The following SNX29 variants were observed in gnomAD, a reference collection of about 807,000 sequenced individuals.
SNX29 encodes the protein sorting nexin 29.
Under a neutral mutation model 102.1 loss-of-function variants are expected in SNX29, and 78 were observed. The ratio of observed to expected loss-of-function variants is 0.76; its 90% CI spans 0.64 to 0.92. The LOEUF (loss-of-function observed/expected upper bound fraction) is 0.92, where lower values mean the gene tolerates loss of function less well. Ranked by LOEUF, SNX29 falls within the 40% of genes least tolerant of loss-of-function variation. SNX29 has a pLI of 0.00. For missense variants in SNX29, 1,280 were observed against 1,061.7 expected, an observed-to-expected ratio of 1.21 and a Z score of -2.86; for synonymous variants, 580 against 414.5, an observed-to-expected ratio of 1.40 and a Z score of -4.85.
rs967927240 is a variant in SNX29, at chr16:12,572,104, G to T, written c.*3475G>T. The T allele has an allele frequency of 9.5e-7, 1 of 1,054,598 alleles. No homozygotes were observed. Among genetic ancestry groups the T allele is most frequent in the East Asian group, 5.0e-5 (1 of 19,904 alleles). The allele number at this position is 1,054,598 out of a possible 1,614,324, so 65.3% of individuals were successfully genotyped here. A position where few individuals can be genotyped will look rare whatever the true frequency, so the allele number is the denominator to read the frequency against. ...GAGGAAGGGGAGGGATGTGGACTGG[G>T]TCTGATCACAGCCCTTGGCCCTGCT... is the stretch of plus-strand genomic sequence containing the variant. On this transcript the variant is annotated 3_prime_UTR_variant, in exon 21 of 21. Coordinates refer to ENST00000566228, the MANE Select transcript of SNX29 (RefSeq NM_032167.5).
intron 14 of SNX29, among the ~76,000 whole-genome samples, chr16:12,221,861 G>A (rs2077487759): frequency 6.6e-6 from 1 of 152,074 alleles, no homozygotes; most frequent in African/African-American, 2.4e-5. Context: ...TGCTTCCTTG[G>A]GTGCACTAAG....
Position 12,098,099 on chromosome 16 carries a change from G to C in SNX29, c.1402+19184G>C, listed in dbSNP as rs377494893. Among the ~76,000 whole-genome samples, 2 of 152,192 alleles carry C rather than the reference G, an allele frequency of 1.3e-5. No individual in the cohort carries two copies. Among genetic ancestry groups the C allele is most frequent in the Non-Finnish European group, 2.9e-5 (2 of 68,028 alleles). ...CATGTGCAGTGCCCGCACACGCTGG[G>C]CCCAGAGGACGCTCAGTACGTGGCC... On this transcript the variant is annotated intron_variant, in intron 11 of 20. Coordinates refer to ENST00000566228, the MANE Select transcript of SNX29 (RefSeq NM_032167.5). This position sits in a 1 kb window ranked among gnomAD's most constrained non-coding sequence, Gnocchi z 6.0.
intron 14 of SNX29, among the ~76,000 whole-genome samples, chr16:12,249,980 C>T (rs548814217): frequency 1.3e-5 from 2 of 152,228 alleles, no homozygotes; most frequent in South Asian, 2.1e-4. Context: ...GAGGGCAGAT[C>T]GACAGGTCAA....
intron 15 of SNX29, among the ~76,000 whole-genome samples, chr16:12,345,202 C>T (rs992171580): frequency 2.0e-5 from 3 of 152,192 alleles, no homozygotes; most frequent in Non-Finnish European, 4.4e-5. Flanking sequence ...GAGACATTAC[C>T]ATCTGCAGAA....
At chr16:12,206,215 C>T (rs975277967) in intron 14 of SNX29, among the ~76,000 whole-genome samples, 2 of 152,138 alleles carry the variant, frequency 1.3e-5, no homozygotes, top group African/African-American at 4.8e-5. Context: ...TTTAATCTGT[C>T]TTAAGCCAAA....
At position 12,570,218 on chromosome 16, in the gene SNX29, G is replaced by C. The variant is rs1309727253; in HGVS notation, c.*1589G>C. On this transcript the variant is annotated 3_prime_UTR_variant, in exon 21 of 21. Coordinates refer to ENST00000566228, the MANE Select transcript of SNX29 (RefSeq NM_032167.5). ...TGACTTCCAAGGGGACCTGGGGCCA[G>C]ATAAGCCCTGCCCCGGTGAGACCAA... 9 of 1,065,162 alleles carry C rather than the reference G, an allele frequency of 8.4e-6. No individual in the cohort carries two copies. The highest frequency in any genetic ancestry group is 1.0e-5 in the Non-Finnish European group (9 of 879,240). 66.0% of individuals were successfully genotyped at this position (1,065,162 alleles called of 1,614,324 possible).
chr16:11,989,991 T>C (rs1208963071), intron 1 of SNX29, among the ~76,000 whole-genome samples: 1 of 152,208 alleles, frequency 6.6e-6, no homozygotes, highest in East Asian at 1.9e-4. Context: ...GGTTGAAGTG[T>C]ACAAGGTTTG....
chr16:12,572,224 T>G lies in SNX29; in HGVS notation c.*3595T>G, dbSNP rs953568173. 1.4e-4 allele frequency: 146 copies of G among 1,016,754 alleles called. No homozygotes were observed. The highest frequency in any genetic ancestry group is 1.7e-4 in the Non-Finnish European group (139 of 835,936). The allele number at this position is 1,016,754 out of a possible 1,614,324, so 63.0% of individuals were successfully genotyped here. On this transcript the variant is annotated 3_prime_UTR_variant, in exon 21 of 21. Coordinates refer to ENST00000566228, the MANE Select transcript of SNX29 (RefSeq NM_032167.5). ...TTGTGCTTTAAAAACCAGAGGCTCC[T>G]GAAAGTCGTTTACACCAGGTGGATT...
chr16:12,040,440 G>A (rs2049833219), intron 4 of SNX29, among the ~76,000 whole-genome samples: 1 of 152,208 alleles, frequency 6.6e-6, no homozygotes, highest in South Asian at 2.1e-4. Context: ...ATAAAAAGTA[G>A]TGGGATGTGA....
chr16:12,513,093 G>A (rs1235514947), intron 19 of SNX29, among the ~76,000 whole-genome samples: 2 of 150,566 alleles, frequency 1.3e-5, no homozygotes, highest in Non-Finnish European at 3.0e-5. Flanking sequence ...CCTGCCCTGC[G>A]TACCCCTTCC....
At position 12,570,330 on chromosome 16, in the gene SNX29, TCTCC is replaced by T; in HGVS notation, c.*1707_*1710del. ...GAGACATCCTGTAAAGGCAACTTGG[TCTCC>T]CTCCCACTCACCTGCCAACATTGCT... is the stretch of plus-strand genomic sequence containing the variant. On this transcript the variant is annotated 3_prime_UTR_variant, in exon 21 of 21. Coordinates refer to ENST00000566228, the MANE Select transcript of SNX29 (RefSeq NM_032167.5). The T allele has an allele frequency of 1.2e-6, 1 of 858,652 alleles. No individual in the cohort carries two copies. The highest frequency in any genetic ancestry group is 1.4e-6 in the Non-Finnish European group (1 of 690,754). 53.2% of individuals were successfully genotyped at this position (858,652 alleles called of 1,614,324 possible). A position where few individuals can be genotyped will look rare whatever the true frequency, so the allele number is the denominator to read the frequency against.
At chr16:12,229,628 T>C (rs1217814275) in intron 14 of SNX29, among the ~76,000 whole-genome samples, 1 of 152,036 alleles carries the variant, frequency 6.6e-6, no homozygotes, top group African/African-American at 2.4e-5. Flanking sequence ...CACATGATGT[T>C]TAAAGAAAAA....
In SNX29 at chr16:11,991,354, G is replaced by A. The variant is rs1454547809; in HGVS notation, c.8-7943G>A. Among the ~76,000 whole-genome samples the A allele has an allele frequency of 2.6e-5, 4 of 152,214 alleles. No individual in the cohort carries two copies. The East Asian group carries it at 7.7e-4, about 29-fold the overall frequency. The stretch of plus-strand genomic sequence containing the variant: ...GGCCAGAGCTAGGAACAGCAACTGA[G>A]GCAGGGGTGGCTGTCACAGAGGGCC... On this transcript the variant is annotated intron_variant, in intron 1 of 20. Coordinates refer to ENST00000566228, the MANE Select transcript of SNX29 (RefSeq NM_032167.5).
chr16:12,406,341 T>C (rs1407371013), intron 18 of SNX29, among the ~76,000 whole-genome samples: 1 of 152,206 alleles, frequency 6.6e-6, no homozygotes, highest in Non-Finnish European at 1.5e-5. Flanking sequence ...TAAAAGAAGC[T>C]GTAAAAGAAA....
At chr16:12,558,950 A>T (rs1466443117) in intron 20 of SNX29, among the ~76,000 whole-genome samples, 1 of 152,218 alleles carries the variant, frequency 6.6e-6, no homozygotes, top group African/African-American at 2.4e-5. Flanking sequence ...TATCGGCCCC[A>T]TGTTTCAGGT....
intron 8 of SNX29, among the ~76,000 whole-genome samples, chr16:12,059,562 A>T (rs540948822): frequency 6.6e-6 from 1 of 152,304 alleles, no homozygotes; most frequent in African/African-American, 2.4e-5. Context: ...TCTGTGCCAC[A>T]TGTCTGGCCA....
Position 12,152,148 on chromosome 16 carries a change from G to A in SNX29, c.1595+22390G>A, listed in dbSNP as rs902760346. ...AGGTGGGAAGATTGCTTGGGCCCGC[G>A]AGGTGAAGGTTGCAGTAAGCTGAGA... On this transcript the variant is annotated intron_variant, in intron 13 of 20. Transcript: ENST00000566228. Among the ~76,000 whole-genome samples, 6 of 152,174 alleles carry A rather than the reference G, an allele frequency of 3.9e-5. No individual in the cohort carries two copies. In the East Asian group the frequency reaches 5.8e-4, roughly 15 times the overall value.
intron 20 of SNX29, among the ~76,000 whole-genome samples, chr16:12,552,066 CTCTG>C (rs1167158419): frequency 7.7e-6 from 1 of 130,230 alleles, no homozygotes; most frequent in African/African-American, 2.5e-5. Context: ...GGCACTGAAT[CTCTG>C]TCTCAATCAC....
chr16:12,358,516 C>T (rs2082207266), intron 16 of SNX29, among the ~76,000 whole-genome samples: 2 of 152,202 alleles, frequency 1.3e-5, no homozygotes, highest in African/African-American at 4.8e-5. Context: ...CTCTGACCTT[C>T]TCCTGCTCTC....
Sources: allele counts gnomAD v4.1 joint callset (sites outside exome capture counted in the v4.1 genomes callset), GRCh38; gene constraint gnomAD v4.1.1; non-coding constraint Gnocchi (gnomAD v3.1); transcripts MANE v1.5; gene names NCBI Gene and HGNC (gene_info 2026-07-23, HGNC 2026-07-21).